SSX2IP: variants seen among roughly 807,000 people sequenced by gnomAD.
SSX2IP encodes the protein SSX family member 2 interacting protein, also known as afadin- and alpha-actinin-binding protein.
In SSX2IP, 55 loss-of-function variants were observed where a neutral mutation model predicts 84.9. The ratio of observed to expected loss-of-function variants is 0.65; its 90% CI spans 0.52 to 0.81. The LOEUF (loss-of-function observed/expected upper bound fraction) is 0.81. Among genes scored for constraint, SSX2IP ranks in the 30% least tolerant of loss-of-function variants. SSX2IP has a pLI of 0.00. For synonymous variants in SSX2IP, 239 were observed against 234.7 expected (o/e 1.02, Z -0.17); for missense variants, 664 against 705.2 (o/e 0.94, Z 0.66).
At chr1:84,672,989 A>G (rs1452816459) in intron 1 of SSX2IP, among the ~76,000 whole-genome samples, 1 of 152,132 alleles carries the variant, frequency 6.6e-6, no homozygotes, top group Non-Finnish European at 1.5e-5. Flanking sequence ...GTGCCACTGC[A>G]CTCCAGCCTG....
intron 1 of SSX2IP, among the ~76,000 whole-genome samples, chr1:84,689,267 C>G (rs1338967705): frequency 3.9e-5 from 6 of 152,208 alleles, no homozygotes; most frequent in Non-Finnish European, 5.9e-5. Context: ...AATGAGTCAA[C>G]TCATACCAAC....
chr1:84,664,511 C>T lies in SSX2IP; in HGVS notation c.579G>A (p.Gln193=). Residue 193 remains glutamine, a synonymous_variant, in exon 6 of 14, where the codon CAG becomes CAA. Coordinates refer to ENST00000342203, the MANE Select transcript of SSX2IP (RefSeq NM_001166293.2). ...LQNIIASRAT[Q]YNHDMKRKER... is the part of the protein sequence containing the mutation. ...CTTTTCTCTTCATATCATGATTATA[C>T]TGAGTAGCTCGACTTGCAATGATAT... The T allele has an allele frequency of 6.3e-7, 1 of 1,593,462 alleles. No homozygotes were observed. The highest frequency in any genetic ancestry group is 1.1e-5 in the South Asian group (1 of 87,216).
rs1649385727 is a variant in SSX2IP, at chr1:84,645,692, T to A, written c.*1741A>T. The A allele has an allele frequency of 6.6e-6, 1 of 152,224 alleles. No homozygotes were observed. The highest frequency in any genetic ancestry group is 6.5e-5 in the Admixed American group (1 of 15,272). 9.4% of individuals were successfully genotyped at this position (152,224 alleles called of 1,614,324 possible). A position where few individuals can be genotyped will look rare whatever the true frequency, so the allele number is the denominator to read the frequency against. On this transcript the variant is annotated 3_prime_UTR_variant, in exon 14 of 14. Transcript: ENST00000342203. ...AAATTTCTGATTGCCTTTTTGACCA[T>A]GTTATTGCTAAATAGCAAAACAAAC...
In SSX2IP at chr1:84,646,691, T is replaced by A. The variant is rs1649500735; in HGVS notation, c.*742A>T. ...ACATATACAAAATAAAAATCTAATG[T>A]CATAAAAATCTCAAAAATGTAATGT... On this transcript the variant is annotated 3_prime_UTR_variant, in exon 14 of 14. Coordinates refer to ENST00000342203, the MANE Select transcript of SSX2IP (RefSeq NM_001166293.2). 1 of 152,578 alleles carries A rather than the reference T, an allele frequency of 6.6e-6. No individual in the cohort carries two copies. The highest frequency in any genetic ancestry group is 1.5e-5 in the Non-Finnish European group (1 of 68,004). 9.5% of individuals were successfully genotyped at this position (152,578 alleles called of 1,614,324 possible).
At chr1:84,680,486 TA>T (rs1352135350) in intron 1 of SSX2IP, 1 of 151,914 alleles carries the variant, frequency 6.6e-6, no homozygotes, top group Admixed American at 6.5e-5. Context: ...TAAATAAACT[TA>T]TGCATGTAGA....
At chr1:84,689,109 G>C (rs1254051716) in intron 1 of SSX2IP, among the ~76,000 whole-genome samples, 2 of 152,212 alleles carry the variant, frequency 1.3e-5, no homozygotes, top group Admixed American at 6.5e-5. Flanking sequence ...TAGGATAAGA[G>C]ATCTGATGGA....
intron 13 of SSX2IP, chr1:84,649,952 C>CA (rs1198904534): frequency 3.6e-6 from 2 of 554,958 alleles, no homozygotes; most frequent in Non-Finnish European, 7.0e-6. Flanking sequence ...CTTTGCCCTT[C>CA]AACAACAATA....
intron 8 of SSX2IP, among the ~76,000 whole-genome samples, chr1:84,660,376 T>A (rs895500240): frequency 2.0e-5 from 3 of 152,298 alleles, no homozygotes; most frequent in African/African-American, 7.2e-5. Flanking sequence ...AATCTGATGA[T>A]GAGACGTTAA....
chr1:84,656,785 T>C (rs1198368742), intron 9 of SSX2IP, among the ~76,000 whole-genome samples: 1 of 152,150 alleles, frequency 6.6e-6, no homozygotes, highest in Non-Finnish European at 1.5e-5. Context: ...CAGAGCTCTA[T>C]TGCCAACAAT....
chr1:84,679,251 T>C (rs1654763040), intron 1 of SSX2IP, among the ~76,000 whole-genome samples: 1 of 152,222 alleles, frequency 6.6e-6, no homozygotes, highest in Non-Finnish European at 1.5e-5. Context: ...AAGGAGACCG[T>C]AGCTTTGAAT....
At chr1:84,648,868 A>C (rs1649820795) in intron 13 of SSX2IP, among the ~76,000 whole-genome samples, 1 of 152,204 alleles carries the variant, frequency 6.6e-6, no homozygotes, top group African/African-American at 2.4e-5. Flanking sequence ...TCCCAAATCC[A>C]AGCATTTCTT....
At chr1:84,668,753 G>T (rs968640303) in intron 4 of SSX2IP, among the ~76,000 whole-genome samples, 1 of 151,548 alleles carries the variant, frequency 6.6e-6, no homozygotes, top group Non-Finnish European at 1.5e-5. Context: ...TTCTGAGTGG[G>T]TTTTTTTTAT....
intron 4 of SSX2IP, among the ~76,000 whole-genome samples, chr1:84,668,518 T>C (rs1653074015): frequency 6.6e-6 from 1 of 152,140 alleles, no homozygotes; most frequent in African/African-American, 2.4e-5. Flanking sequence ...TATCATTGTG[T>C]ATGAACCAAG....
intron 1 of SSX2IP, among the ~76,000 whole-genome samples, chr1:84,676,531 C>T (rs1301383601): frequency 6.6e-6 from 1 of 152,090 alleles, no homozygotes. Context: ...GAACTCTGGT[C>T]TTTTCTGGGT....
chr1:84,686,136 G>C (rs1163172347), intron 1 of SSX2IP, among the ~76,000 whole-genome samples: 1 of 152,118 alleles, frequency 6.6e-6, no homozygotes, highest in African/African-American at 2.4e-5. Flanking sequence ...TGTATGCCAA[G>C]AACTACACAT....
chr1:84,651,370 A>C (rs1208962077), intron 12 of SSX2IP, among the ~76,000 whole-genome samples: 2 of 152,014 alleles, frequency 1.3e-5, no homozygotes, highest in Non-Finnish European at 2.9e-5. Flanking sequence ...CTCACAACAA[A>C]AGTTACTTTG....
At chr1:84,660,228 G>A (rs942433353) in intron 8 of SSX2IP, among the ~76,000 whole-genome samples, 1 of 152,096 alleles carries the variant, frequency 6.6e-6, no homozygotes, top group Admixed American at 6.5e-5. Flanking sequence ...TATTTAAGAG[G>A]TCATTGTTCA....
rs182751628 is a variant in SSX2IP at position 84,647,401 on chromosome 1, C to A, written c.*32G>T. 37 of 1,522,898 alleles carry A rather than the reference C, an allele frequency of 2.4e-5. No homozygotes were observed. The highest frequency in any genetic ancestry group is 3.5e-4 in the Middle Eastern group (2 of 5,682). The allele number at this position is 1,522,898 out of a possible 1,614,324, so 94.3% of individuals were successfully genotyped here. A position where few individuals can be genotyped will look rare whatever the true frequency, so the allele number is the denominator to read the frequency against. On this transcript the variant is annotated 3_prime_UTR_variant, in exon 14 of 14. Transcript: ENST00000342203. ...CAACTTAGATGTGAAACTTGATGAA[C>A]ACATTAATGAAAAAAATTCCAGTCC... is the stretch of plus-strand genomic sequence containing the variant.
At chr1:84,660,315 T>TA (rs1368565510) in intron 8 of SSX2IP, among the ~76,000 whole-genome samples, 2 of 152,178 alleles carry the variant, frequency 1.3e-5, no homozygotes, top group Non-Finnish European at 2.9e-5. Context: ...GAGGAGGGTT[T>TA]AATCACTGAA....
Sources: gnomAD v4.1 joint callset for allele counts (sites outside exome capture counted in the v4.1 genomes callset) on GRCh38, gnomAD v4.1.1 for gene constraint, MANE v1.5 for transcripts, NCBI Gene and HGNC (gene_info 2026-07-23, HGNC 2026-07-21) for gene names.